The following ABLIM2 variants were observed in gnomAD, a reference collection of about 807,000 sequenced individuals.
The protein encoded by ABLIM2 is actin-binding LIM protein 2.
A neutral mutation model predicts 97.7 loss-of-function variants in ABLIM2; 53 were observed. The ratio of observed to expected loss-of-function variants is 0.54; its 90% CI spans 0.44 to 0.68. The LOEUF (loss-of-function observed/expected upper bound fraction) is 0.68, where lower values mean the gene tolerates loss of function less well. Among genes scored for constraint, ABLIM2 ranks in the 30% least tolerant of loss-of-function variants. The pLI is 0.00. For synonymous variants in ABLIM2, 361 were observed against 345.8 expected, an observed-to-expected ratio of 1.04 and a Z score of -0.49; for missense variants, 835 against 867.2, an observed-to-expected ratio of 0.96 and a Z score of 0.47.
rs560284740 is a variant in ABLIM2 at position 7,966,772 on chromosome 4, G to T, written c.*218C>A. 1 of 557,316 alleles carries T rather than the reference G, an allele frequency of 1.8e-6. No individual in the cohort carries two copies. 34.5% of individuals were successfully genotyped at this position (557,316 alleles called of 1,614,324 possible). A position where few individuals can be genotyped will look rare whatever the true frequency, so the allele number is the denominator to read the frequency against. ...CCTCTCCCTGACACCAAGCCACAGCGGGGAAGGGTGGCGTGAAGCTAGCCG... is the reference window on the plus strand; with the variant it reads ...CCTCTCCCTGACACCAAGCCACAGCTGGGAAGGGTGGCGTGAAGCTAGCCG... On this transcript the variant is annotated 3_prime_UTR_variant, in exon 21 of 21. Coordinates refer to ENST00000447017, the MANE Select transcript of ABLIM2 (RefSeq NM_001130083.2).
Position 8,022,223 on chromosome 4 carries a change from G to A in ABLIM2, c.1268-1920C>T, listed in dbSNP as rs1251447546. Among the ~76,000 whole-genome samples, 1 of 152,198 alleles carries A rather than the reference G, an allele frequency of 6.6e-6. No homozygotes were observed. Among genetic ancestry groups the A allele is most frequent in the Non-Finnish European group, 1.5e-5 (1 of 68,028 alleles). On this transcript the variant is annotated intron_variant, in intron 12 of 20. Transcript: ENST00000447017. This position sits in a 1 kb window ranked among gnomAD's most constrained non-coding sequence, Gnocchi z 7.8. Reference sequence around the variant, plus strand: ...GCTCTTGGCACAGCTCGTGGACCTGGGAGGCCAGGAAGGGCTGGTTTCTTC... The same window carrying A: ...GCTCTTGGCACAGCTCGTGGACCTGAGAGGCCAGGAAGGGCTGGTTTCTTC...
chr4:8,027,644 A>G (rs1437495874), intron 12 of ABLIM2, 115 bp downstream of exon 12: 3 of 736,324 alleles, frequency 4.1e-6, no homozygotes, highest in Non-Finnish European at 6.2e-6. Flanking sequence ...AGAGGGGCAC[A>G]GGGCATGAAA....
At chr4:7,993,609 C>T (rs949524530) in intron 16 of ABLIM2, among the ~76,000 whole-genome samples, 7 of 152,146 alleles carry the variant, frequency 4.6e-5, no homozygotes, top group African/African-American at 1.2e-4. Context: ...CCCAGGAGTT[C>T]GAGGCTGCAG....
intron 8 of ABLIM2, among the ~76,000 whole-genome samples, chr4:8,051,567 A>AG: frequency 6.6e-6 from 1 of 151,204 alleles, no homozygotes; most frequent in East Asian, 1.9e-4. Flanking sequence ...CATCTCAAAA[A>AG]AAAAAAAAAA....
At chr4:8,030,269 C>T (rs902529672) in intron 10 of ABLIM2, among the ~76,000 whole-genome samples, 1 of 152,118 alleles carries the variant, frequency 6.6e-6, no homozygotes, top group Non-Finnish European at 1.5e-5. Flanking sequence ...GTCAGACCCA[C>T]AAGCACCGAC....
chr4:8,020,575 T>A, intron 12 of ABLIM2: 3 of 553,336 alleles, frequency 5.4e-6, no homozygotes, highest in Non-Finnish European at 9.8e-6. Flanking sequence ...GGCGGTGAAC[T>A]AAGAACACCT....
chr4:8,144,197 G>A (rs1481984675), intron 1 of ABLIM2, among the ~76,000 whole-genome samples: 2 of 152,230 alleles, frequency 1.3e-5, no homozygotes, highest in Non-Finnish European at 2.9e-5. Context: ...CCTCAGCGGG[G>A]AAGCAGCCCC....
intron 6 of ABLIM2, among the ~76,000 whole-genome samples, chr4:8,064,442 C>T (rs1805646179): frequency 6.6e-6 from 1 of 152,204 alleles, no homozygotes; most frequent in Non-Finnish European, 1.5e-5. Flanking sequence ...AGCCAGCCAG[C>T]ATGCTCGGCC....
Position 8,021,528 on chromosome 4 carries a change from C to T in ABLIM2, c.1268-1225G>A, listed in dbSNP as rs1773716263. ...GAGAACGTTCCCTCAAGCTGCACAG[C>T]CTTTCAGAGCAGCAGGACCCTGCGG... On this transcript the variant is annotated intron_variant, in intron 12 of 20. Coordinates refer to ENST00000447017, the MANE Select transcript of ABLIM2 (RefSeq NM_001130083.2). The surrounding 1 kb of genome is among the most constrained non-coding windows in gnomAD (Gnocchi z 5.5). 6.6e-6 allele frequency among the ~76,000 whole-genome samples: 1 copy of T among 152,238 alleles called. No individual in the cohort carries two copies. Among genetic ancestry groups the T allele is most frequent in the African/African-American group, 2.4e-5 (1 of 41,466 alleles).
chr4:7,985,270 C>G (rs116041224), intron 17 of ABLIM2, among the ~76,000 whole-genome samples: 1 of 152,204 alleles, frequency 6.6e-6, no homozygotes, highest in African/African-American at 2.4e-5. Context: ...TCTTTGCGCA[C>G]GCTGCGCTAG....
Position 7,996,389 on chromosome 4 carries a change from C to T in ABLIM2, c.1619-3462G>A, listed in dbSNP as rs941872157. Among the ~76,000 whole-genome samples, 2 of 152,216 alleles carry T rather than the reference C, an allele frequency of 1.3e-5. No homozygotes were observed. The highest frequency in any genetic ancestry group is 4.8e-5 in the African/African-American group (2 of 41,454). ...CTGCCTGCCCCTGGAGTCACCTGGA[C>T]AGCGTGCCAGGTTCCCAGTGCCCAG... On this transcript the variant is annotated intron_variant, in intron 16 of 20. Coordinates refer to ENST00000447017, the MANE Select transcript of ABLIM2 (RefSeq NM_001130083.2). The surrounding 1 kb of genome is among the most constrained non-coding windows in gnomAD (Gnocchi z 4.5).
rs1382312852 is a variant in ABLIM2, at chr4:8,124,059, T to A, written c.11-17422A>T. Among the ~76,000 whole-genome samples the A allele has an allele frequency of 4.6e-5, 7 of 152,320 alleles. No homozygotes were observed. Among genetic ancestry groups the A allele is most frequent in the Middle Eastern group, 3.4e-3 (1 of 294 alleles). On this transcript the variant is annotated intron_variant, in intron 1 of 20. Coordinates refer to ENST00000447017, the MANE Select transcript of ABLIM2 (RefSeq NM_001130083.2). This position sits in a 1 kb window ranked among gnomAD's most constrained non-coding sequence, Gnocchi z 6.1. ...ACAGCTCAGCGGCTGCTCTACCATGTGCTTCTGTAGGCCACAAACAAAAAC... is the reference window on the plus strand; with the variant it reads ...ACAGCTCAGCGGCTGCTCTACCATGAGCTTCTGTAGGCCACAAACAAAAAC...
chr4:8,029,790 T>C lies in ABLIM2; in HGVS notation c.1048-14A>G. The C allele has an allele frequency of 1.3e-6, 2 of 1,567,188 alleles. No homozygotes were observed. Among genetic ancestry groups the C allele is most frequent in the South Asian group, 2.4e-5 (2 of 84,956 alleles). On this transcript the variant is annotated splice_polypyrimidine_tract_variant and intron_variant, in intron 10 of 20. Transcript: ENST00000447017. ...ATCCTGATCCCCCTGGGAGGGAAGATGCAGCTTGTGAACACTGGAGCCGGG... is the reference window on the plus strand; with the variant it reads ...ATCCTGATCCCCCTGGGAGGGAAGACGCAGCTTGTGAACACTGGAGCCGGG...
chr4:8,157,359 G>A (rs972250468), intron 1 of ABLIM2, among the ~76,000 whole-genome samples: 1 of 152,208 alleles, frequency 6.6e-6, no homozygotes, highest in East Asian at 1.9e-4. Flanking sequence ...AATGTGTCTG[G>A]AGGTTCTGCC....
chr4:8,085,522 G>T lies in ABLIM2; in HGVS notation c.454+2647C>A, dbSNP rs1460336330. ...CAGTCCCGTCCACTCACACGGCTCT[G>T]GGGGTGCCCACGCTGCAGCCCCGTC... is the stretch of plus-strand genomic sequence containing the variant. On this transcript the variant is annotated intron_variant, in intron 4 of 20. Transcript: ENST00000447017. This position sits in a 1 kb window ranked among gnomAD's most constrained non-coding sequence, Gnocchi z 6.1. Among the ~76,000 whole-genome samples, 3 of 148,526 alleles carry T rather than the reference G, an allele frequency of 2.0e-5. No homozygotes were observed. Among genetic ancestry groups the T allele is most frequent in the Non-Finnish European group, 4.5e-5 (3 of 67,172 alleles).
At chr4:8,117,863 C>T (rs1186630305) in intron 1 of ABLIM2, among the ~76,000 whole-genome samples, 3 of 152,248 alleles carry the variant, frequency 2.0e-5, no homozygotes, top group African/African-American at 7.2e-5. Flanking sequence ...GGCCCAGCTG[C>T]TCACTGTGGG....
chr4:8,099,037 C>T (rs1833138564), intron 2 of ABLIM2, among the ~76,000 whole-genome samples: 1 of 152,232 alleles, frequency 6.6e-6, no homozygotes, highest in African/African-American at 2.4e-5. Context: ...CAGCCAAGGA[C>T]TCCCAGCATC....
At chr4:8,010,854 T>A (rs563107042) in intron 14 of ABLIM2, 2 of 152,692 alleles carry the variant, frequency 1.3e-5, no homozygotes, top group South Asian at 4.1e-4. Context: ...TGTGCAGCCA[T>A]ACATCAGCGA....
chr4:8,151,797 G>T (rs894980357), intron 1 of ABLIM2, among the ~76,000 whole-genome samples: 3 of 151,518 alleles, frequency 2.0e-5, no homozygotes, highest in Non-Finnish European at 4.4e-5. Flanking sequence ...GTGTAAGCAG[G>T]GGGAGAGGCA....
Sources: gnomAD v4.1 joint callset for allele counts (sites outside exome capture counted in the v4.1 genomes callset) on GRCh38, gnomAD v4.1.1 for gene constraint, Gnocchi (gnomAD v3.1) non-coding constraint, MANE v1.5 for transcripts, NCBI Gene and HGNC (gene_info 2026-07-23, HGNC 2026-07-21) for gene names.